LRRTM4: variants seen among roughly 807,000 people sequenced by gnomAD.
LRRTM4 encodes leucine-rich repeat transmembrane neuronal protein 4.
LRRTM4 carries 25 observed loss-of-function variants against 47.6 expected under a neutral mutation model. The observed-to-expected ratio is 0.53, with a 90% CI of 0.38 to 0.73. LRRTM4 has a LOEUF of 0.73. LRRTM4 is among the 30% of genes least tolerant of loss of function. The probability of loss-of-function intolerance (pLI) is 0.00; values close to 1 mark genes in which losing one functional copy is unlikely to be tolerated. For missense variants in LRRTM4, 638 were observed against 713.4 expected, an observed-to-expected ratio of 0.89 and a Z score of 1.20; for synonymous variants, 311 against 269.5, an observed-to-expected ratio of 1.15 and a Z score of -1.51.
intron 3 of LRRTM4, among the ~76,000 whole-genome samples, chr2:77,330,303 C>A (rs543186956): frequency 6.6e-6 from 1 of 152,162 alleles, no homozygotes; most frequent in South Asian, 2.1e-4. Context: ...TCATTACTTA[C>A]AATGTGCCCA....
At chr2:77,140,696 G>A (rs1437906919) in intron 3 of LRRTM4, among the ~76,000 whole-genome samples, 5 of 152,146 alleles carry the variant, frequency 3.3e-5, no homozygotes, top group East Asian at 1.9e-4. Context: ...GCAACCTACA[G>A]AATGGGAGAA....
intron 3 of LRRTM4, among the ~76,000 whole-genome samples, chr2:77,428,079 C>G (rs967806581): frequency 2.6e-5 from 4 of 152,116 alleles, no homozygotes; most frequent in Admixed American, 1.3e-4. Context: ...AAGGGGTTTT[C>G]CCCACTTTTG....
chr2:77,083,847 C>T (rs1448988781), intron 3 of LRRTM4, among the ~76,000 whole-genome samples: 1 of 126,280 alleles, frequency 7.9e-6, no homozygotes, highest in Non-Finnish European at 1.6e-5. Flanking sequence ...CTCTGTCGCC[C>T]AGGCTGGAGT....
chr2:76,768,767 G>C (rs568755922), intron 3 of LRRTM4, among the ~76,000 whole-genome samples: 1 of 152,108 alleles, frequency 6.6e-6, no homozygotes, highest in Non-Finnish European at 1.5e-5. Flanking sequence ...CGAGAACAAA[G>C]ATATTCTCAC....
At chr2:77,316,810 C>T (rs1223000454) in intron 3 of LRRTM4, among the ~76,000 whole-genome samples, 3 of 152,118 alleles carry the variant, frequency 2.0e-5, no homozygotes, top group East Asian at 1.9e-4. Context: ...CCTCTCAAAA[C>T]GATGAGATTA....
intron 3 of LRRTM4, among the ~76,000 whole-genome samples, chr2:77,112,606 T>TG (rs1671280567): frequency 1.3e-5 from 2 of 152,000 alleles, no homozygotes; most frequent in Non-Finnish European, 2.9e-5. Flanking sequence ...GGGATTTTTT[T>TG]TTTTTACAGA....
chr2:77,354,069 A>G (rs1671883241), intron 3 of LRRTM4, among the ~76,000 whole-genome samples: 2 of 152,192 alleles, frequency 1.3e-5, no homozygotes, highest in South Asian at 2.1e-4. Flanking sequence ...TTATTCTACA[A>G]TTTCTGGAAA....
intron 3 of LRRTM4, among the ~76,000 whole-genome samples, chr2:77,021,155 T>G (rs1359802385): frequency 1.3e-5 from 2 of 152,064 alleles, no homozygotes; most frequent in Non-Finnish European, 2.9e-5. Flanking sequence ...TATTGCCTTA[T>G]CTATATGTAT....
At chr2:77,310,262 T>C (rs935825929) in intron 3 of LRRTM4, among the ~76,000 whole-genome samples, 1 of 152,090 alleles carries the variant, frequency 6.6e-6, no homozygotes, top group African/African-American at 2.4e-5. Context: ...TGACTCCTTT[T>C]TGTCATAATT....
chr2:77,243,676 G>A (rs1675338643), intron 3 of LRRTM4, among the ~76,000 whole-genome samples: 1 of 151,738 alleles, frequency 6.6e-6, no homozygotes, highest in African/African-American at 2.4e-5. Context: ...ACCTAGACAT[G>A]GTTAAACTGT....
intron 3 of LRRTM4, among the ~76,000 whole-genome samples, chr2:77,326,122 C>T (rs1013174435): frequency 2.0e-5 from 3 of 152,174 alleles, no homozygotes; most frequent in Admixed American, 6.5e-5. Flanking sequence ...ACAAACAGAT[C>T]TTACTAAGTT....
At chr2:77,495,134 A>G (rs901404667) in intron 3 of LRRTM4, among the ~76,000 whole-genome samples, 2 of 152,086 alleles carry the variant, frequency 1.3e-5, no homozygotes, top group Admixed American at 6.6e-5. Flanking sequence ...TTGTATGGGC[A>G]TATGCTTTTA....
chr2:77,398,941 A>C (rs1379587171), intron 3 of LRRTM4, among the ~76,000 whole-genome samples: 1 of 151,748 alleles, frequency 6.6e-6, no homozygotes, highest in Non-Finnish European at 1.5e-5. Flanking sequence ...TGACAGGTGG[A>C]GGTTGGTAGG....
intron 3 of LRRTM4, among the ~76,000 whole-genome samples, chr2:77,395,232 C>T (rs1369269704): frequency 6.6e-6 from 1 of 151,922 alleles, no homozygotes; most frequent in Non-Finnish European, 1.5e-5. Context: ...CTCATCCTGT[C>T]ATGGCCAGGA....
intron 3 of LRRTM4, among the ~76,000 whole-genome samples, chr2:77,474,357 T>G (rs991117768): frequency 1.3e-5 from 2 of 152,186 alleles, no homozygotes; most frequent in East Asian, 1.9e-4. Flanking sequence ...TAGTCCATTT[T>G]TTTTTCCTTT....
intron 3 of LRRTM4, among the ~76,000 whole-genome samples, chr2:77,049,869 ACCAATGTTCTTTAGTGTT>A (rs1679371444): frequency 6.6e-6 from 1 of 151,978 alleles, no homozygotes; most frequent in African/African-American, 2.4e-5. Context: ...CTTTGCCCAG[ACCAATGTTCTTTAGTGTT>A]TCCTCTCTCT....
At chr2:77,123,851 G>A (rs1421629665) in intron 3 of LRRTM4, among the ~76,000 whole-genome samples, 1 of 152,094 alleles carries the variant, frequency 6.6e-6, no homozygotes, top group Non-Finnish European at 1.5e-5. Context: ...GGCCTTGACA[G>A]TAAGTGACAG....
chr2:76,761,993 G>A (rs1234191705), intron 3 of LRRTM4, among the ~76,000 whole-genome samples: 1 of 152,146 alleles, frequency 6.6e-6, no homozygotes, highest in Non-Finnish European at 1.5e-5. Flanking sequence ...AGGAGGAGAT[G>A]ATCTGTATGT....
intron 3 of LRRTM4, among the ~76,000 whole-genome samples, chr2:76,780,368 T>G (rs1014481113): frequency 6.6e-6 from 1 of 152,192 alleles, no homozygotes; most frequent in African/African-American, 2.4e-5. Flanking sequence ...TCCAACTTGG[T>G]TCCATTCTCC....
Sources: allele counts gnomAD v4.1 joint callset (sites outside exome capture counted in the v4.1 genomes callset), GRCh38; gene constraint gnomAD v4.1.1; transcripts MANE v1.5; gene names NCBI Gene and HGNC (gene_info 2026-07-23, HGNC 2026-07-21).